CD38: variants seen among roughly 807,000 people sequenced by gnomAD.
CD38 encodes the protein ADP-ribosyl cyclase/cyclic ADP-ribose hydrolase 1.
CD38 carries 31 observed loss-of-function variants against 36.3 expected under a neutral mutation model. The observed-to-expected ratio is 0.85, with a 90% CI of 0.64 to 1.15. The LOEUF is 1.15. Among genes scored for constraint, CD38 ranks in the 50% most tolerant of loss-of-function variants. The pLI is 0.00. For missense variants in CD38, 380 were observed against 371.9 expected (o/e 1.02, Z -0.18); for synonymous variants, 131 against 135.2 (o/e 0.97, Z 0.22).
At chr4:15,805,449 T>A (rs1284992016) in intron 1 of CD38, among the ~76,000 whole-genome samples, 1 of 152,180 alleles carries the variant, frequency 6.6e-6, no homozygotes, top group Non-Finnish European at 1.5e-5. Flanking sequence ...CCCCCCTCAC[T>A]CTTGACATTC....
At chr4:15,838,201 C>T in intron 5 of CD38, 36 bp downstream of exon 5, 1 of 1,397,820 alleles carries the variant, frequency 7.2e-7, no homozygotes, top group South Asian at 1.2e-5. Flanking sequence ...TGCAAGTATC[C>T]TGTTGCAAAT....
Position 15,804,688 on chromosome 4 carries a change from A to T in CD38, c.234-11823A>T, listed in dbSNP as rs371884024. 1.2e-4 allele frequency among the ~76,000 whole-genome samples: 19 copies of T among 152,330 alleles called. No homozygotes were observed. The East Asian group carries it at 1.5e-3, about 12-fold the overall frequency. ...AGGCACAGAAAGACAAGTTTCATAT[A>T]TTCTCACTTACATGTGGGAGCTAAA... On this transcript the variant is annotated intron_variant, in intron 1 of 7. Coordinates refer to ENST00000226279, the MANE Select transcript of CD38 (RefSeq NM_001775.4).
intron 1 of CD38, among the ~76,000 whole-genome samples, chr4:15,796,740 T>G (rs1723110896): frequency 6.6e-6 from 1 of 152,192 alleles, no homozygotes; most frequent in African/African-American, 2.4e-5. Flanking sequence ...TCCATATATT[T>G]TTCCACACAT....
At chr4:15,815,842 A>G (rs1723583626) in intron 1 of CD38, among the ~76,000 whole-genome samples, 1 of 152,174 alleles carries the variant, frequency 6.6e-6, no homozygotes, top group Admixed American at 6.5e-5. Context: ...GTCTCGTGCC[A>G]CTTTTCGATA....
intron 1 of CD38, among the ~76,000 whole-genome samples, chr4:15,780,964 CG>C (rs1162219726): frequency 6.6e-6 from 1 of 152,018 alleles, no homozygotes; most frequent in East Asian, 1.9e-4. Flanking sequence ...CAAAATTAGC[CG>C]GGTGTTGTGG....
intron 1 of CD38, among the ~76,000 whole-genome samples, chr4:15,790,001 CA>C (rs1303473620): frequency 6.6e-6 from 1 of 152,166 alleles, no homozygotes; most frequent in African/African-American, 2.4e-5. Context: ...GTCCTCTTAG[CA>C]AAGACCTAAA....
intron 1 of CD38, among the ~76,000 whole-genome samples, chr4:15,804,370 C>T (rs368301212): frequency 6.6e-6 from 1 of 152,250 alleles, no homozygotes; most frequent in African/African-American, 2.4e-5. Flanking sequence ...TGTGGAAGTT[C>T]CTTAACAGGC....
At chr4:15,807,645 C>G (rs1723371704) in intron 1 of CD38, among the ~76,000 whole-genome samples, 2 of 152,192 alleles carry the variant, frequency 1.3e-5, no homozygotes. Flanking sequence ...AGCAGCTAGA[C>G]TGGGATCACT....
At chr4:15,810,184 G>A (rs893380396) in intron 1 of CD38, among the ~76,000 whole-genome samples, 3 of 152,106 alleles carry the variant, frequency 2.0e-5, no homozygotes, top group Non-Finnish European at 2.9e-5. Context: ...GGACTTTCTT[G>A]AATACTGAGG....
chr4:15,790,378 G>C (rs1490130545), intron 1 of CD38, among the ~76,000 whole-genome samples: 1 of 151,660 alleles, frequency 6.6e-6, no homozygotes, highest in Admixed American at 6.6e-5. Flanking sequence ...GGGTTTTGCT[G>C]TGTTGGCCGG....
chr4:15,783,465 T>C (rs1722741035), intron 1 of CD38, among the ~76,000 whole-genome samples: 1 of 152,184 alleles, frequency 6.6e-6, no homozygotes, highest in South Asian at 2.1e-4. Context: ...GGAGCAGGCA[T>C]TTCTGAGAGC....
rs905396567 is a variant in CD38, at chr4:15,778,438, G to C, written c.24G>C (p.Pro8=). ...CTATGGCCAACTGCGAGTTCAGCCC[G>C]GTGTCCGGGGACAAACCCTGCTGCC... MANCEFS[P]VSGDKPCCRL... The change falls in exon 1 of 8, where the codon CCG becomes CCC. Residue 8 remains proline (P), a synonymous_variant. Transcript: ENST00000226279. The surrounding 1 kb of genome is among the most constrained non-coding windows in gnomAD (Gnocchi z 4.9). The C allele has an allele frequency of 3.7e-6, 6 of 1,613,794 alleles. No individual in the cohort carries two copies. Among genetic ancestry groups the C allele is most frequent in the East Asian group, 4.5e-5 (2 of 44,854 alleles).
intron 1 of CD38, among the ~76,000 whole-genome samples, chr4:15,787,857 G>A (rs7700059): frequency 0.95 from 144,917 of 152,276 alleles, 69,018 homozygotes; most frequent in East Asian, 1. Context: ...AGCCAACGCA[G>A]TCTGTGGGTA....
intron 1 of CD38, among the ~76,000 whole-genome samples, chr4:15,787,248 G>A (rs770702733): frequency 7.2e-5 from 11 of 152,258 alleles, no homozygotes; most frequent in Admixed American, 5.9e-4. Context: ...CCACCAGCAC[G>A]TTGTCTCCTC....
At chr4:15,805,289 G>A (rs759166874) in intron 1 of CD38, among the ~76,000 whole-genome samples, 8 of 151,764 alleles carry the variant, frequency 5.3e-5, no homozygotes, top group Non-Finnish European at 1.2e-4. Flanking sequence ...GGCTTGTGAC[G>A]CTTATTCCTT....
chr4:15,808,687 G>A (rs1723398571), intron 1 of CD38, among the ~76,000 whole-genome samples: 1 of 152,186 alleles, frequency 6.6e-6, no homozygotes, highest in Non-Finnish European at 1.5e-5. Context: ...TGGTTTTAAG[G>A]TCTTAGGATG....
chr4:15,847,864 C>G (rs1724297322), intron 7 of CD38, among the ~76,000 whole-genome samples: 1 of 152,186 alleles, frequency 6.6e-6, no homozygotes, highest in Non-Finnish European at 1.5e-5. Context: ...TGAGCTCACT[C>G]ATTCTCCATC....
intron 1 of CD38, among the ~76,000 whole-genome samples, chr4:15,791,501 GCCAGCCGCCCAGT>G (rs1722988270): frequency 1.6e-5 from 1 of 63,182 alleles, no homozygotes; most frequent in African/African-American, 1.2e-4. Flanking sequence ...CCCCCGCCCG[GCCAGCCGCCCAGT>G]CCGGGAGGGA....
intron 3 of CD38, among the ~76,000 whole-genome samples, chr4:15,833,204 T>G (rs569958062): frequency 2.4e-4 from 37 of 152,262 alleles, no homozygotes; most frequent in Middle Eastern, 3.4e-3. Context: ...CAAGCCCAGT[T>G]GGTGCTCTAC....
Sources: allele counts gnomAD v4.1 joint callset (sites outside exome capture counted in the v4.1 genomes callset), GRCh38; gene constraint gnomAD v4.1.1; non-coding constraint Gnocchi (gnomAD v3.1); transcripts MANE v1.5; gene names NCBI Gene and HGNC (gene_info 2026-07-23, HGNC 2026-07-21).